PRRC1: variants seen among roughly 807,000 people sequenced by gnomAD.
PRRC1 encodes the protein proline rich coiled-coil 1.
In PRRC1, 39 loss-of-function variants were observed where a neutral mutation model predicts 40.7. The ratio of observed to expected loss-of-function variants is 0.96; its 90% confidence interval spans 0.74 to 1.25. PRRC1 has a LOEUF of 1.25. Ranked by LOEUF, PRRC1 falls within the 50% of genes most tolerant of loss-of-function variation. The probability of loss-of-function intolerance (pLI) is 0.00; values close to 1 mark genes in which losing one functional copy is unlikely to be tolerated. For missense variants in PRRC1, 573 were observed against 548.3 expected (o/e 1.05, Z -0.45); for synonymous variants, 175 against 193.3 (o/e 0.91, Z 0.79).
rs936188108 is a variant in PRRC1, at chr5:127,552,635, G to A, written c.*719G>A. 19 of 978,014 alleles carry A rather than the reference G, an allele frequency of 1.9e-5. No individual in the cohort carries two copies. Among genetic ancestry groups the A allele is most frequent in the Middle Eastern group, 5.2e-4 (1 of 1,922 alleles). The allele number at this position is 978,014 out of a possible 1,614,324, so 60.6% of individuals were successfully genotyped here. On this transcript the variant is annotated 3_prime_UTR_variant, in exon 9 of 9. Transcript: ENST00000296666. ...TTTTTCATTGCTATATGACAGCTAA[G>A]GGGCAAATGATTCAAGTATATTTTA...
At chr5:127,526,181 C>T (rs2127093149) in intron 3 of PRRC1, among the ~76,000 whole-genome samples, 1 of 152,262 alleles carries the variant, frequency 6.6e-6, no homozygotes, top group African/African-American at 2.4e-5. Context: ...AAAATTATTG[C>T]AGAGTGCAAG....
At chr5:127,542,193 T>A (rs1326723624) in intron 7 of PRRC1, among the ~76,000 whole-genome samples, 2 of 152,166 alleles carry the variant, frequency 1.3e-5, no homozygotes, top group Admixed American at 6.5e-5. Context: ...TTTGAGTGAG[T>A]TTCTTAATCC....
Position 127,553,921 on chromosome 5 carries a change from G to T in PRRC1, c.*2005G>T. The T allele has an allele frequency of 6.5e-7, 1 of 1,534,768 alleles. No individual in the cohort carries two copies. Among genetic ancestry groups the T allele is most frequent in the African/African-American group, 1.4e-5 (1 of 73,092 alleles). On this transcript the variant is annotated 3_prime_UTR_variant, in exon 9 of 9. Coordinates refer to ENST00000296666, the MANE Select transcript of PRRC1 (RefSeq NM_130809.5). ...CGGAACCGTGTGAGTGGGTGAGGAA[G>T]ATGAGAGATGGTCAGATGGAAGAGA...
intron 7 of PRRC1, among the ~76,000 whole-genome samples, chr5:127,545,793 G>C (rs1768202174): frequency 6.6e-6 from 1 of 150,876 alleles, no homozygotes; most frequent in Admixed American, 6.6e-5. Context: ...AAAAAAAAAA[G>C]TCATCTCTCC....
At chr5:127,551,631 T>A (rs565984795) in intron 8 of PRRC1, 76 bp from the exon 9 acceptor site, 12 of 1,431,652 alleles carry the variant, frequency 8.4e-6, no homozygotes, top group African/African-American at 7.1e-5. Flanking sequence ...TGAAACACTT[T>A]GAAATGTCAC....
chr5:127,540,756 C>T (rs2127108195), intron 7 of PRRC1, among the ~76,000 whole-genome samples: 1 of 152,232 alleles, frequency 6.6e-6, no homozygotes, highest in East Asian at 1.9e-4. Context: ...TGAGAAGTGT[C>T]TGTTCATGTC....
At position 127,553,622 on chromosome 5, in the gene PRRC1, G is replaced by T; in HGVS notation, c.*1706G>T. ...ACAGTCTTTCATTACAGACTGAAGGGAAGCATGTCCTTACTTAAAATAGTT... is the reference window on the plus strand; with the variant it reads ...ACAGTCTTTCATTACAGACTGAAGGTAAGCATGTCCTTACTTAAAATAGTT... On this transcript the variant is annotated 3_prime_UTR_variant, in exon 9 of 9. Coordinates refer to ENST00000296666, the MANE Select transcript of PRRC1 (RefSeq NM_130809.5). The T allele has an allele frequency of 7.2e-7, 1 of 1,382,710 alleles. No individual in the cohort carries two copies. The highest frequency in any genetic ancestry group is 9.4e-7 in the Non-Finnish European group (1 of 1,068,886). The allele number at this position is 1,382,710 out of a possible 1,614,324, so 85.7% of individuals were successfully genotyped here.
intron 1 of PRRC1, among the ~76,000 whole-genome samples, chr5:127,521,848 G>A (rs1198340883): frequency 6.6e-6 from 1 of 151,920 alleles, no homozygotes; most frequent in Non-Finnish European, 1.5e-5. Context: ...TTCTTCCCTT[G>A]CCTAATTAAG....
rs145201631 is a variant in PRRC1 at position 127,539,052 on chromosome 5, C to A, written c.934C>A (p.Arg312=). Residue 312 remains arginine (R), a synonymous_variant, in exon 7 of 9, where the codon CGG becomes AGG. Coordinates refer to ENST00000296666, the MANE Select transcript of PRRC1 (RefSeq NM_130809.5). The part of the protein sequence containing the change: ...YAAGLKGAQE[R]IDSLRRTGVI... ...CATTGTTGTTTAGGGTGCTCAGGAA[C>A]GGATAGATAGCTTGCGTCGAACTGG... 1 of 1,612,404 alleles carries A rather than the reference C, an allele frequency of 6.2e-7. No individual in the cohort carries two copies. Among genetic ancestry groups the A allele is most frequent in the Admixed American group, 1.7e-5 (1 of 59,960 alleles).
chr5:127,539,297 G>A (rs1329472564), intron 7 of PRRC1, among the ~76,000 whole-genome samples, 154 bp downstream of exon 7: 1 of 152,024 alleles, frequency 6.6e-6, no homozygotes, highest in African/African-American at 2.4e-5. Flanking sequence ...TGTCCTGCAT[G>A]GCTTAGCTGG....
rs140669914 is a variant in PRRC1 at position 127,528,073 on chromosome 5, ATTC to A, written c.654+1301_654+1303del. Among the ~76,000 whole-genome samples, 1,479 of 152,226 alleles carry A rather than the reference ATTC, an allele frequency of 9.7e-3. 25 individuals are homozygous for A. The highest frequency in any genetic ancestry group is 0.033 in the African/African-American group (1,370 of 41,536). On this transcript the variant is annotated intron_variant, in intron 4 of 8. Transcript: ENST00000296666. The stretch of plus-strand genomic sequence containing the variant: ...TCTCGTATGATTTTTAGCCATTTGT[ATTC>A]TTCTTTTGTGAAATATCGGTTATGT...
intron 8 of PRRC1, chr5:127,551,044 A>G (rs1277454998): frequency 1.3e-5 from 2 of 152,390 alleles, no homozygotes; most frequent in Admixed American, 6.5e-5. Flanking sequence ...GTAGTCATGT[A>G]TAACTGTATA....
chr5:127,541,611 A>G (rs1029732610), intron 7 of PRRC1, among the ~76,000 whole-genome samples: 4 of 152,172 alleles, frequency 2.6e-5, no homozygotes, highest in Admixed American at 6.5e-5. Flanking sequence ...GGGAGAGTGT[A>G]TGTATCGAGG....
At chr5:127,547,679 C>T (rs1339195693) in intron 7 of PRRC1, 140 bp from the exon 8 acceptor site, 7 of 497,374 alleles carry the variant, frequency 1.4e-5, no homozygotes, top group South Asian at 4.8e-5. Context: ...ATGAATTGTC[C>T]TTTTGCAAGT....
At chr5:127,517,890 C>G (rs1275200289) in intron 1 of PRRC1, 114 bp downstream of exon 1, 1 of 152,322 alleles carries the variant, frequency 6.6e-6, no homozygotes, top group Non-Finnish European at 1.5e-5. Context: ...GGTGGGCGGG[C>G]CGGCCGGCGC....
At chr5:127,536,648 A>G (rs1009759113) in intron 6 of PRRC1, among the ~76,000 whole-genome samples, 4 of 152,102 alleles carry the variant, frequency 2.6e-5, no homozygotes, top group Admixed American at 1.3e-4. Context: ...GAAGCATTGT[A>G]TAAATGTGAT....
Position 127,552,404 on chromosome 5 carries a change from CACTATAAGACACCT to C in PRRC1, c.*492_*505del, listed in dbSNP as rs200480403. ...GGTGCTGAGCAGCCTGCTCAACAGT[CACTATAAGACACCT>C]ACTTGTCGGGAGATGTTCCACATTT... is the stretch of plus-strand genomic sequence containing the variant. On this transcript the variant is annotated 3_prime_UTR_variant, in exon 9 of 9. Coordinates refer to ENST00000296666, the MANE Select transcript of PRRC1 (RefSeq NM_130809.5). 28,759 of 989,172 alleles carry C rather than the reference CACTATAAGACACCT, an allele frequency of 0.029. 487 individuals carry two copies. The highest frequency in any genetic ancestry group is 0.041 in the Middle Eastern group (79 of 1,916). 61.3% of individuals were successfully genotyped at this position (989,172 alleles called of 1,614,324 possible).
At chr5:127,543,736 G>A (rs1398045670) in intron 7 of PRRC1, among the ~76,000 whole-genome samples, 2 of 152,024 alleles carry the variant, frequency 1.3e-5, no homozygotes, top group African/African-American at 4.8e-5. Flanking sequence ...GCTCCTTTAA[G>A]CACTTCTCTG....
At chr5:127,531,614 C>CTTATTTTTTT in intron 5 of PRRC1, among the ~76,000 whole-genome samples, 2 of 84,188 alleles carry the variant, frequency 2.4e-5, no homozygotes, top group African/African-American at 1.2e-4. Flanking sequence ...TATTCTTCTT[C>CTTATTTTTTT]TTCTTTTTTT....
Sources: allele counts gnomAD v4.1 joint callset (sites outside exome capture counted in the v4.1 genomes callset), GRCh38; gene constraint gnomAD v4.1.1; transcripts MANE v1.5; gene names NCBI Gene and HGNC (gene_info 2026-07-23, HGNC 2026-07-21).